PHLPP1: variants seen among roughly 807,000 people sequenced by gnomAD.
PHLPP1 encodes PH domain leucine-rich repeat-containing protein phosphatase 1.
Under a neutral mutation model 117.2 loss-of-function variants are expected in PHLPP1, and 42 were observed. That is an observed-to-expected ratio of 0.36 (90% CI 0.28 to 0.46). The LOEUF (loss-of-function observed/expected upper bound fraction) is 0.46, where lower values mean the gene tolerates loss of function less well. PHLPP1 is among the 20% of genes least tolerant of loss of function. The probability of loss-of-function intolerance (pLI) is 1.00; values close to 1 mark genes in which losing one functional copy is unlikely to be tolerated. For synonymous variants in PHLPP1, 1,042 were observed against 970.7 expected, an observed-to-expected ratio of 1.07 and a Z score of -1.37; for missense variants, 2,084 against 2,241.9, an observed-to-expected ratio of 0.93 and a Z score of 1.42.
chr18:62,846,747 C>G (rs1915193061), intron 3 of PHLPP1, among the ~76,000 whole-genome samples: 1 of 152,130 alleles, frequency 6.6e-6, no homozygotes, highest in Admixed American at 6.6e-5. Context: ...AGTTAGAGAA[C>G]TTAGAACTTC....
intron 1 of PHLPP1, among the ~76,000 whole-genome samples, chr18:62,788,310 C>G (rs1913357313): frequency 6.6e-6 from 1 of 151,884 alleles, no homozygotes. Context: ...AAAGCAGGGA[C>G]TAGAATGGTG....
chr18:62,841,541 C>T (rs1276191790), intron 3 of PHLPP1, among the ~76,000 whole-genome samples: 4 of 151,674 alleles, frequency 2.6e-5, no homozygotes, highest in African/African-American at 9.7e-5. Context: ...ACTATGTTGG[C>T]AAGGCTAGTG....
intron 14 of PHLPP1, among the ~76,000 whole-genome samples, chr18:62,971,185 C>T (rs71353375): frequency 0.14 from 20,941 of 152,042 alleles, 2,145 homozygotes; most frequent in African/African-American, 0.29. Context: ...GTTAAGTCTT[C>T]TTCATGTTTG....
At chr18:62,739,522 T>G (rs1911462154) in intron 1 of PHLPP1, among the ~76,000 whole-genome samples, 1 of 152,180 alleles carries the variant, frequency 6.6e-6, no homozygotes, top group African/African-American at 2.4e-5. Flanking sequence ...TGTGCTTTAT[T>G]AGATGTAAGT....
intron 1 of PHLPP1, among the ~76,000 whole-genome samples, chr18:62,807,735 A>G (rs1442893901): frequency 6.6e-6 from 1 of 152,198 alleles, no homozygotes; most frequent in Non-Finnish European, 1.5e-5. Context: ...GTATTAGTGT[A>G]TCTAAACTTC....
intron 1 of PHLPP1, among the ~76,000 whole-genome samples, chr18:62,786,742 G>C (rs192438936): frequency 2.6e-5 from 4 of 152,254 alleles, no homozygotes; most frequent in Admixed American, 1.3e-4. Context: ...GAATGATTTT[G>C]GTAAAAGGTT....
intron 1 of PHLPP1, among the ~76,000 whole-genome samples, chr18:62,735,553 GC>G (rs955325632): frequency 2.1e-5 from 3 of 142,336 alleles, no homozygotes; most frequent in Non-Finnish European, 3.1e-5. Context: ...CCCCTTCCCA[GC>G]CCCCCATCAA....
intron 12 of PHLPP1, among the ~76,000 whole-genome samples, chr18:62,946,255 A>G (rs1294587383): frequency 6.6e-6 from 1 of 152,142 alleles, no homozygotes; most frequent in African/African-American, 2.4e-5. Flanking sequence ...AATGGCTTGC[A>G]TAACTTTTTT....
intron 4 of PHLPP1, among the ~76,000 whole-genome samples, chr18:62,872,157 A>G (rs1403605443): frequency 6.6e-6 from 1 of 152,212 alleles, no homozygotes; most frequent in Non-Finnish European, 1.5e-5. Flanking sequence ...CCCATGGGAA[A>G]ATGAAGACCT....
At chr18:62,766,703 G>C (rs1267124141) in intron 1 of PHLPP1, among the ~76,000 whole-genome samples, 1 of 152,102 alleles carries the variant, frequency 6.6e-6, no homozygotes, top group Non-Finnish European at 1.5e-5. Flanking sequence ...TATATCAGCT[G>C]TATATTATAT....
chr18:62,721,432 GT>G (rs1230477792), intron 1 of PHLPP1, among the ~76,000 whole-genome samples: 6 of 137,370 alleles, frequency 4.4e-5, no homozygotes, highest in South Asian at 2.8e-4. Context: ...GGGTGTGGGT[GT>G]GTGTGTGTGT....
In PHLPP1 at chr18:62,830,182, A is replaced by G. The variant is rs1456635982; in HGVS notation, c.1724A>G (p.Lys575Arg). The change falls in exon 2 of 17, where the codon AAA becomes AGA. Residue 575 changes from lysine to arginine, a missense_variant. Around this residue, in one of 2 missense-constraint regions of PHLPP1, gnomAD observed 1,365 missense variants for 1,605.9 expected, o/e 0.85. Transcript: ENST00000262719. ...ACCTGCCTGATAGTATCATCTGTGA[A>G]AGACAGCTTGACCGGAAAGATGCAT... is the stretch of plus-strand genomic sequence containing the variant. ...CGTCLIVSSV[K>R]DSLTGKMHVL... The G allele has an allele frequency of 6.3e-7, 1 of 1,585,058 alleles. No homozygotes were observed.
Position 62,716,375 on chromosome 18 carries a change from C to A in PHLPP1, c.692C>A (p.Ala231Asp). ...CTLDTTAGEV[A>D]ARLLQLGHKG... ...CTGGACACCACGGCCGGCGAGGTGG[C>A]CGCCCGCCTGCTGCAGCTGGGCCAC... is the stretch of plus-strand genomic sequence containing the variant. Residue 231 changes from alanine to aspartate, a missense_variant, in exon 1 of 17, where the codon GCC becomes GAC. Transcript: ENST00000262719. This position sits in a 1 kb window ranked among gnomAD's most constrained non-coding sequence, Gnocchi z 5.7. The A allele has an allele frequency of 6.8e-7, 1 of 1,472,076 alleles. No homozygotes were observed. 91.2% of individuals were successfully genotyped at this position (1,472,076 alleles called of 1,614,324 possible). A position where few individuals can be genotyped will look rare whatever the true frequency, so the allele number is the denominator to read the frequency against.
chr18:62,822,997 T>A (rs900581080), intron 1 of PHLPP1, among the ~76,000 whole-genome samples: 7 of 152,216 alleles, frequency 4.6e-5, no homozygotes, highest in Non-Finnish European at 8.8e-5. Context: ...CTCAGCCTTA[T>A]TTCTTGATTT....
At chr18:62,917,947 G>A (rs1160468083) in intron 9 of PHLPP1, among the ~76,000 whole-genome samples, 1 of 152,114 alleles carries the variant, frequency 6.6e-6, no homozygotes, top group Non-Finnish European at 1.5e-5. Context: ...GCTCATGCCT[G>A]TAATCCCAGC....
At chr18:62,795,111 G>A (rs891989960) in intron 1 of PHLPP1, among the ~76,000 whole-genome samples, 1 of 152,116 alleles carries the variant, frequency 6.6e-6, no homozygotes, top group Admixed American at 6.5e-5. Flanking sequence ...ATTTTAGGCT[G>A]TGCAGTTCTC....
chr18:62,886,084 G>T (rs1211847178), intron 4 of PHLPP1, among the ~76,000 whole-genome samples: 1 of 152,184 alleles, frequency 6.6e-6, no homozygotes, highest in Non-Finnish European at 1.5e-5. Context: ...CACATTTTGT[G>T]TATAAACGTA....
At position 62,979,181 on chromosome 18, in the gene PHLPP1, A is replaced by G. The variant is rs747003056; in HGVS notation, c.4904A>G (p.Asn1635Ser). Reference sequence around the variant, plus strand: ...GTTGCGCCCCAGGAAAGGAGCCACAATGTGATAGAGGTGGCTACAGACGCA... The same window carrying G: ...GTTGCGCCCCAGGAAAGGAGCCACAGTGTGATAGAGGTGGCTACAGACGCA... The part of the protein sequence containing the change: ...GSVAPQERSH[N>S]VIEVATDAPL... Residue 1635 changes from asparagine (N) to serine (S), a missense_variant, in exon 17 of 17, where the codon AAT becomes AGT. Transcript: ENST00000262719. 7 of 1,613,734 alleles carry G rather than the reference A, an allele frequency of 4.3e-6. No homozygotes were observed. Among genetic ancestry groups the G allele is most frequent in the East Asian group, 2.2e-5 (1 of 44,880 alleles).
At chr18:62,722,090 A>G (rs1910937747) in intron 1 of PHLPP1, among the ~76,000 whole-genome samples, 1 of 152,220 alleles carries the variant, frequency 6.6e-6, no homozygotes. Context: ...ACATACACAC[A>G]GCGGCATTTC....
Sources: gnomAD v4.1 joint callset for allele counts (sites outside exome capture counted in the v4.1 genomes callset) on GRCh38, gnomAD v4.1.1 for gene constraint, gnomAD v4.1.1 regional missense constraint, Gnocchi (gnomAD v3.1) non-coding constraint, MANE v1.5 for transcripts, NCBI Gene and HGNC (gene_info 2026-07-23, HGNC 2026-07-21) for gene names.